NCS1: variants seen among roughly 807,000 people sequenced by gnomAD.
The protein encoded by NCS1 is frequenin homolog.
Under a neutral mutation model 28.4 loss-of-function variants are expected in NCS1, and 6 were observed. The ratio of observed to expected loss-of-function variants is 0.21; its 90% confidence interval spans 0.12 to 0.42. The LOEUF (loss-of-function observed/expected upper bound fraction) is 0.42. NCS1 is among the 10% of genes least tolerant of loss of function. NCS1 has a pLI of 1.00. For synonymous variants in NCS1, 86 were observed against 99.3 expected (o/e 0.87, Z 0.79); for missense variants, 131 against 241.4 (o/e 0.54, Z 3.03).
At chr9:130,206,689 T>C (rs1257071254) in intron 2 of NCS1, among the ~76,000 whole-genome samples, 1 of 152,000 alleles carries the variant, frequency 6.6e-6, no homozygotes, top group East Asian at 1.9e-4. Flanking sequence ...GGATTACATG[T>C]GTGAGCCACC....
At chr9:130,212,050 T>C (rs7875376) in intron 2 of NCS1, among the ~76,000 whole-genome samples, 85,648 of 151,962 alleles carry the variant, frequency 0.56, 24,679 homozygotes, top group East Asian at 0.86. Context: ...AAGACATCCA[T>C]ATGGACGCCC....
chr9:130,218,633 C>T (rs537852939), intron 3 of NCS1, among the ~76,000 whole-genome samples: 133 of 151,728 alleles, frequency 8.8e-4, no homozygotes, highest in African/African-American at 2.5e-3. Flanking sequence ...GCTCTGTTGC[C>T]GAGGCTGGAG....
intron 2 of NCS1, among the ~76,000 whole-genome samples, chr9:130,205,491 C>A (rs1479528532): frequency 2.1e-5 from 3 of 142,074 alleles, no homozygotes; most frequent in African/African-American, 7.9e-5. Context: ...CTGCAATGAG[C>A]TATGATTGCC....
Position 130,172,695 on chromosome 9 carries a change from A to G in NCS1, c.32A>G (p.Glu11Gly). 6.6e-7 allele frequency: 1 copy of G among 1,505,246 alleles called. No homozygotes were observed. 93.2% of individuals were successfully genotyped at this position (1,505,246 alleles called of 1,614,324 possible). A position where few individuals can be genotyped will look rare whatever the true frequency, so the allele number is the denominator to read the frequency against. The change falls in exon 1 of 8, where the codon GAA becomes GGA. Residue 11 changes from glutamate (E) to glycine (G), a missense_variant. Glu to Gly is a moderately conservative substitution (Grantham distance 98). Coordinates refer to ENST00000372398, the MANE Select transcript of NCS1 (RefSeq NM_014286.4). MGKSNSKLKP[E>G]VVEELTRKTY... Reference sequence around the variant, plus strand: ...AAATCCAACAGCAAGTTGAAGCCCGAAGTTGTGGAGGAGCTGACCAGGAAG... The same window carrying G: ...AAATCCAACAGCAAGTTGAAGCCCGGAGTTGTGGAGGAGCTGACCAGGAAG...
At chr9:130,203,742 G>A (rs1232657972) in intron 2 of NCS1, among the ~76,000 whole-genome samples, 4 of 152,282 alleles carry the variant, frequency 2.6e-5, no homozygotes, top group Admixed American at 2.0e-4. Context: ...CCCAAGCACC[G>A]CTGTGAGCCA....
intron 4 of NCS1, among the ~76,000 whole-genome samples, chr9:130,221,377 CATATATAT>C (rs370084084): frequency 0.087 from 7,262 of 83,458 alleles, 319 homozygotes; most frequent in Middle Eastern, 0.14. Flanking sequence ...TATAAAATAT[CATATATAT>C]ATATATATAT....
At chr9:130,218,725 G>A (rs2131151453) in intron 3 of NCS1, among the ~76,000 whole-genome samples, 1 of 152,114 alleles carries the variant, frequency 6.6e-6, no homozygotes, top group South Asian at 2.1e-4. Context: ...CTGAGAAGCT[G>A]GGATTACAGG....
In NCS1 at chr9:130,181,872, G is replaced by A. The variant is rs1588108431; in HGVS notation, c.64+9145G>A. 1.3e-5 allele frequency among the ~76,000 whole-genome samples: 2 copies of A among 152,040 alleles called. No individual in the cohort carries two copies. The highest frequency in any genetic ancestry group is 2.1e-4 in the South Asian group (1 of 4,820). ...GAGCCGGGCACTCCTGTGCGCACGC[G>A]TGTGGTGGTGTGTGAGGGCAGCTCT... On this transcript the variant is annotated intron_variant, in intron 1 of 7. Transcript: ENST00000372398. The surrounding 1 kb of genome is among the most constrained non-coding windows in gnomAD (Gnocchi z 5.0).
intron 3 of NCS1, among the ~76,000 whole-genome samples, chr9:130,218,399 C>T (rs544425162): frequency 4.2e-4 from 64 of 152,176 alleles, no homozygotes; most frequent in Non-Finnish European, 7.8e-4. Context: ...TGCAGGTGCA[C>T]ACACGTGTAC....
chr9:130,184,726 C>A (rs967917478), intron 1 of NCS1, among the ~76,000 whole-genome samples: 1 of 152,026 alleles, frequency 6.6e-6, no homozygotes, highest in Non-Finnish European at 1.5e-5. Context: ...CTCCCAGGTT[C>A]AAGCGATTCT....
chr9:130,229,554 A>G lies in NCS1; in HGVS notation c.*17+3050A>G, dbSNP rs368491093. Among the ~76,000 whole-genome samples, 4 of 152,298 alleles carry G rather than the reference A, an allele frequency of 2.6e-5. No homozygotes were observed. In the East Asian group the frequency reaches 5.8e-4, roughly 22 times the overall value. On this transcript the variant is annotated intron_variant, in intron 7 of 7. Coordinates refer to ENST00000372398, the MANE Select transcript of NCS1 (RefSeq NM_014286.4). ...AGGTGTGGGCCATCGCGCCTGGCCA[A>G]TATTTCCATCATAGAAATGTTTGAC... is the stretch of plus-strand genomic sequence containing the variant.
intron 1 of NCS1, among the ~76,000 whole-genome samples, chr9:130,178,764 G>A (rs946102963): frequency 8.8e-5 from 13 of 148,516 alleles, no homozygotes; most frequent in African/African-American, 3.2e-4. Context: ...ATGAACTGGA[G>A]TATCGGTGGG....
In NCS1 at chr9:130,203,133, TA is replaced by T. The variant is rs1410104271; in HGVS notation, c.89+2152del. Among the ~76,000 whole-genome samples, 492 of 66,526 alleles carry T rather than the reference TA, an allele frequency of 7.4e-3. 4 individuals carry two copies. Among genetic ancestry groups the T allele is most frequent in the South Asian group, 0.048 (74 of 1,538 alleles). The allele number at this position is 66,526 out of a possible 152,430, so 43.6% of individuals were successfully genotyped here. A position where few individuals can be genotyped will look rare whatever the true frequency, so the allele number is the denominator to read the frequency against. ...GTGTGCGTGTGTATGTATATATATATATATTTTTTTTTTTTTTTCTTGAGAC... is the reference window on the plus strand; with the variant it reads ...GTGTGCGTGTGTATGTATATATATATTATTTTTTTTTTTTTTTCTTGAGAC... On this transcript the variant is annotated intron_variant, in intron 2 of 7. Transcript: ENST00000372398.
At chr9:130,183,759 CTT>C (rs782659049) in intron 1 of NCS1, among the ~76,000 whole-genome samples, 1 of 146,876 alleles carries the variant, frequency 6.8e-6, no homozygotes, top group Non-Finnish European at 1.5e-5. Context: ...TTCTCTTTCT[CTT>C]TCTCTTTTCC....
intron 1 of NCS1, among the ~76,000 whole-genome samples, chr9:130,182,092 C>T (rs1282443233): frequency 6.6e-6 from 1 of 151,936 alleles, no homozygotes. Context: ...CACCGTTTAC[C>T]CAGTGGGCAC....
At chr9:130,223,424 A>G (rs1554910912) in intron 6 of NCS1, among the ~76,000 whole-genome samples, 1 of 151,836 alleles carries the variant, frequency 6.6e-6, no homozygotes, top group Non-Finnish European at 1.5e-5. Context: ...GGCATTCTGG[A>G]GAAGCCTACA....
intron 1 of NCS1, among the ~76,000 whole-genome samples, chr9:130,176,169 TC>T (rs1554904612): frequency 0.23 from 24,487 of 105,090 alleles, 4,224 homozygotes; most frequent in East Asian, 0.65. Context: ...TTTCTTTCTT[TC>T]TTTCTTTCTT....
intron 1 of NCS1, among the ~76,000 whole-genome samples, chr9:130,187,890 C>T (rs1332118145): frequency 6.6e-6 from 1 of 152,182 alleles, no homozygotes; most frequent in African/African-American, 2.4e-5. Context: ...TGATGGAGGC[C>T]ACACAGCTTT....
At chr9:130,193,686 C>T (rs1489634931) in intron 1 of NCS1, 2 of 153,376 alleles carry the variant, frequency 1.3e-5, no homozygotes, top group East Asian at 1.9e-4. Context: ...GTGAGGGGTG[C>T]AGGGAGCAGA....
Sources: allele counts gnomAD v4.1 joint callset (sites outside exome capture counted in the v4.1 genomes callset), GRCh38; gene constraint gnomAD v4.1.1; non-coding constraint Gnocchi (gnomAD v3.1); transcripts MANE v1.5; gene names NCBI Gene and HGNC (gene_info 2026-07-23, HGNC 2026-07-21).